The following RAD9B variants were observed in gnomAD, a reference collection of about 807,000 sequenced individuals.
The protein encoded by RAD9B is RAD9 checkpoint clamp component B.
Under a neutral mutation model 48.3 loss-of-function variants are expected in RAD9B, and 41 were observed. That is an observed-to-expected ratio of 0.85 (90% CI 0.66 to 1.10). The LOEUF (loss-of-function observed/expected upper bound fraction) is 1.10, where lower values mean the gene tolerates loss of function less well. RAD9B is among the 50% of genes least tolerant of loss of function. RAD9B has a pLI of 0.00. For missense variants in RAD9B, 444 were observed against 485.1 expected (o/e 0.92, Z 0.80); for synonymous variants, 160 against 157.9 (o/e 1.01, Z -0.10).
chr12:110,520,233 G>C (rs965507864), intron 9 of RAD9B, among the ~76,000 whole-genome samples: 2 of 152,062 alleles, frequency 1.3e-5, no homozygotes, highest in Non-Finnish European at 2.9e-5. Context: ...TTTAGACAAG[G>C]TCTCACTCCC....
Position 110,505,640 on chromosome 12 carries a change from T to G in RAD9B, c.141T>G (p.Ser47=). Residue 47 remains serine (S), a synonymous_variant, in exon 3 of 11, where the codon TCT becomes TCG. Coordinates refer to ENST00000409300, the MANE Select transcript of RAD9B (RefSeq NM_001286535.2). Reference sequence around the variant, plus strand: ...AGCTTGCTCTAAGATGTGTGAATTCTTCTCGGTCAGCATATGGATGTGTCC... The same window carrying G: ...AGCTTGCTCTAAGATGTGTGAATTCGTCTCGGTCAGCATATGGATGTGTCC... ...KKGLALRCVN[S]SRSAYGCVLF... 6.4e-7 allele frequency: 1 copy of G among 1,562,274 alleles called. No homozygotes were observed. Among genetic ancestry groups the G allele is most frequent in the Non-Finnish European group, 8.7e-7 (1 of 1,152,164 alleles).
chr12:110,523,027 CTTGT>C (rs2063831578), intron 10 of RAD9B, among the ~76,000 whole-genome samples: 2 of 152,112 alleles, frequency 1.3e-5, no homozygotes, highest in Admixed American at 1.3e-4. Flanking sequence ...CCTAATTTTA[CTTGT>C]TTAATGTTTT....
chr12:110,533,449 C>G lies in RAD9B; in HGVS notation c.*2796C>G, dbSNP rs2064185533. ...CTAATTTGCTTCATTATTTAGCCAT[C>G]TTTGCCACAAACTACCTGCTAACAG... On this transcript the variant is annotated 3_prime_UTR_variant, in exon 11 of 11. Coordinates refer to ENST00000409300, the MANE Select transcript of RAD9B (RefSeq NM_001286535.2). The G allele has an allele frequency of 6.6e-6, 1 of 152,160 alleles. No homozygotes were observed. Among genetic ancestry groups the G allele is most frequent in the Non-Finnish European group, 1.5e-5 (1 of 68,042 alleles). 9.4% of individuals were successfully genotyped at this position (152,160 alleles called of 1,614,324 possible).
Position 110,531,511 on chromosome 12 carries a change from G to T in RAD9B, c.*858G>T. ...CCAACCTGGAGTGTTTTTACATATT[G>T]TAAAATTTTATTTCCTAACCTCAAA... is the stretch of plus-strand genomic sequence containing the variant. On this transcript the variant is annotated 3_prime_UTR_variant, in exon 11 of 11. Coordinates refer to ENST00000409300, the MANE Select transcript of RAD9B (RefSeq NM_001286535.2). The T allele has an allele frequency of 8.1e-7, 1 of 1,238,234 alleles. No homozygotes were observed. The highest frequency in any genetic ancestry group is 1.2e-6 in the Non-Finnish European group (1 of 855,470). 76.7% of individuals were successfully genotyped at this position (1,238,234 alleles called of 1,614,324 possible). A position where few individuals can be genotyped will look rare whatever the true frequency, so the allele number is the denominator to read the frequency against.
rs111467558 is a variant in RAD9B at position 110,518,724 on chromosome 12, T to C, written c.644T>C (p.Phe215Ser). 2 of 1,612,150 alleles carry C rather than the reference T, an allele frequency of 1.2e-6. No homozygotes were observed. Among genetic ancestry groups the C allele is most frequent in the Non-Finnish European group, 1.7e-6 (2 of 1,178,794 alleles). The stretch of plus-strand genomic sequence containing the variant: ...GAGATGTTTGTTGGCTCAGATGAGT[T>C]TGACTTCTTTCAAATTGGAATGGAC... ...HSEMFVGSDE[F>S]DFFQIGMDTE... is the part of the protein sequence containing the mutation. Residue 215 changes from phenylalanine to serine, a missense_variant, in exon 7 of 11, where the codon TTT becomes TCT. Physicochemically the swap from Phe to Ser is radical, Grantham distance 155. Transcript: ENST00000409300.
intron 10 of RAD9B, 65 bp downstream of exon 10, chr12:110,522,476 TCCTC>T: frequency 9.2e-7 from 1 of 1,092,666 alleles, no homozygotes; most frequent in South Asian, 1.4e-5. Flanking sequence ...TTTGCAGTCT[TCCTC>T]CCCAATCCCC....
Position 110,530,984 on chromosome 12 carries a change from T to C in RAD9B, c.*331T>C, listed in dbSNP as rs1206330242. The C allele has an allele frequency of 3.9e-6, 4 of 1,027,936 alleles. No homozygotes were observed. The highest frequency in any genetic ancestry group is 4.7e-6 in the Non-Finnish European group (4 of 857,658). 63.7% of individuals were successfully genotyped at this position (1,027,936 alleles called of 1,614,324 possible). ...TAGTTTTATAAAGGTATTTAAACTT[T>C]ATTCAACAGCCATTTAGAGTGCCAT... is the stretch of plus-strand genomic sequence containing the variant. On this transcript the variant is annotated 3_prime_UTR_variant, in exon 11 of 11. Coordinates refer to ENST00000409300, the MANE Select transcript of RAD9B (RefSeq NM_001286535.2).
rs1428530760 is a variant in RAD9B, at chr12:110,532,212, A to G, written c.*1559A>G. 1 of 152,314 alleles carries G rather than the reference A, an allele frequency of 6.6e-6. No homozygotes were observed. Among genetic ancestry groups the G allele is most frequent in the Non-Finnish European group, 1.5e-5 (1 of 68,116 alleles). 9.4% of individuals were successfully genotyped at this position (152,314 alleles called of 1,614,324 possible). A position where few individuals can be genotyped will look rare whatever the true frequency, so the allele number is the denominator to read the frequency against. ...GAAGATATATGTATCTTATGCTTACACTGATGATTAACACTGAATTTCTGG... is the reference window on the plus strand; with the variant it reads ...GAAGATATATGTATCTTATGCTTACGCTGATGATTAACACTGAATTTCTGG... On this transcript the variant is annotated 3_prime_UTR_variant, in exon 11 of 11. Transcript: ENST00000409300.
In RAD9B at chr12:110,515,122, T is replaced by G. The variant is rs1452340696; in HGVS notation, c.561T>G (p.Asn187Lys). Residue 187 changes from asparagine (N) to lysine (K), a missense_variant, in exon 6 of 11, where the codon AAT becomes AAG. By Grantham distance (94) the Asn-to-Lys change is moderately conservative (BLOSUM62 0). Coordinates refer to ENST00000409300, the MANE Select transcript of RAD9B (RefSeq NM_001286535.2). The stretch of plus-strand genomic sequence containing the variant: ...TTACTCTTGCTGTTACTCCACTGAA[T>G]TTTTGCCTCAAGAGTTCTAATGAGG... The part of the protein sequence containing the change: ...EEVTLAVTPL[N>K]FCLKSSNEES... 1.3e-6 allele frequency: 2 copies of G among 1,554,644 alleles called. No homozygotes were observed. Among genetic ancestry groups the G allele is most frequent in the Non-Finnish European group, 8.7e-7 (1 of 1,147,418 alleles).
chr12:110,528,927 C>T (rs1165669208), intron 10 of RAD9B, among the ~76,000 whole-genome samples: 5 of 152,124 alleles, frequency 3.3e-5, no homozygotes, highest in East Asian at 1.9e-4. Context: ...AGGGTTTCAC[C>T]ATCTTGCTCA....
chr12:110,527,630 C>T (rs2063987494), intron 10 of RAD9B, among the ~76,000 whole-genome samples: 1 of 152,186 alleles, frequency 6.6e-6, no homozygotes, highest in Non-Finnish European at 1.5e-5. Context: ...GCGAGGGATA[C>T]TACAGTGAAC....
rs1463823798 is a variant in RAD9B, at chr12:110,532,313, G to A, written c.*1660G>A. Among the ~76,000 whole-genome samples the A allele has an allele frequency of 1.3e-5, 2 of 152,194 alleles. No homozygotes were observed. The highest frequency in any genetic ancestry group is 4.8e-5 in the African/African-American group (2 of 41,450). On this transcript the variant is annotated 3_prime_UTR_variant, in exon 11 of 11. Coordinates refer to ENST00000409300, the MANE Select transcript of RAD9B (RefSeq NM_001286535.2). The stretch of plus-strand genomic sequence containing the variant: ...TAACTCTGTAGGTCTCTTTGCTGAG[G>A]ATAACATTTCTGGTTCATTCATTGA...
chr12:110,524,247 G>A (rs890512565), intron 10 of RAD9B, among the ~76,000 whole-genome samples: 1 of 152,182 alleles, frequency 6.6e-6, no homozygotes, highest in Non-Finnish European at 1.5e-5. Flanking sequence ...GATGCAACAG[G>A]CACATGGTCA....
rs1194712276 is a variant in RAD9B at position 110,515,121 on chromosome 12, A to T, written c.560A>T (p.Asn187Ile). The change falls in exon 6 of 11, where the codon AAT becomes ATT. Residue 187 changes from asparagine (N) to isoleucine (I), a missense_variant. By Grantham distance (149) the Asn-to-Ile change is moderately radical (BLOSUM62 -3). Transcript: ENST00000409300. ...EEVTLAVTPL[N>I]FCLKSSNEES... ...GTTACTCTTGCTGTTACTCCACTGA[A>T]TTTTTGCCTCAAGAGTTCTAATGAG... The T allele has an allele frequency of 3.2e-6, 5 of 1,554,988 alleles. No individual in the cohort carries two copies. In the African/African-American group the frequency reaches 6.8e-5, roughly 21 times the overall value.
At position 110,532,542 on chromosome 12, in the gene RAD9B, C is replaced by A. The variant is rs769244874; in HGVS notation, c.*1889C>A. ...GCAACATGGTGAGATCCCATCTCTA[C>A]AAAAATTAGCTGGGCACTTTGGATT... is the stretch of plus-strand genomic sequence containing the variant. On this transcript the variant is annotated 3_prime_UTR_variant, in exon 11 of 11. Coordinates refer to ENST00000409300, the MANE Select transcript of RAD9B (RefSeq NM_001286535.2). Among the ~76,000 whole-genome samples the A allele has an allele frequency of 2.6e-5, 4 of 152,178 alleles. No individual in the cohort carries two copies. Among genetic ancestry groups the A allele is most frequent in the Non-Finnish European group, 5.9e-5 (4 of 68,042 alleles).
At chr12:110,506,774 C>G (rs2063286600) in intron 4 of RAD9B, 81 bp downstream of exon 4, 1 of 710,340 alleles carries the variant, frequency 1.4e-6, no homozygotes, top group Non-Finnish European at 2.4e-6. Context: ...TATTTCATGT[C>G]AAGATTTCTC....
Position 110,531,929 on chromosome 12 carries a change from G to T in RAD9B, c.*1276G>T. The T allele has an allele frequency of 3.1e-6, 1 of 325,992 alleles. No individual in the cohort carries two copies. The highest frequency in any genetic ancestry group is 4.4e-5 in the South Asian group (1 of 22,918). The allele number at this position is 325,992 out of a possible 1,614,324, so 20.2% of individuals were successfully genotyped here. On this transcript the variant is annotated 3_prime_UTR_variant, in exon 11 of 11. Transcript: ENST00000409300. The stretch of plus-strand genomic sequence containing the variant: ...TTAACTGGCAAGCAGTTGTACTTTA[G>T]ACTTTGTGAGAAATTCATAAAGGTG...
At chr12:110,506,149 G>A (rs780414141) in intron 3 of RAD9B, among the ~76,000 whole-genome samples, 45 of 151,622 alleles carry the variant, frequency 3.0e-4, no homozygotes, top group Non-Finnish European at 3.5e-4. Flanking sequence ...GCCTCCCAAA[G>A]TGCTGGGATT....
At chr12:110,510,615 G>C (rs771444716) in intron 4 of RAD9B, among the ~76,000 whole-genome samples, 10 of 152,158 alleles carry the variant, frequency 6.6e-5, no homozygotes, top group Non-Finnish European at 1.3e-4. Context: ...CCCCAGACAT[G>C]AAAGTGAGGC....
Sources: gnomAD v4.1 joint callset for allele counts (sites outside exome capture counted in the v4.1 genomes callset) on GRCh38, gnomAD v4.1.1 for gene constraint, MANE v1.5 for transcripts, NCBI Gene and HGNC (gene_info 2026-07-23, HGNC 2026-07-21) for gene names.